Variants in BBS9 observed in about 807,000 individuals in gnomAD.
The protein encoded by BBS9 is Bardet-Biedl syndrome 9, also known as protein PTHB1.
In BBS9, 89 loss-of-function variants were observed where a neutral mutation model predicts 117.7. That is an observed-to-expected ratio of 0.76 (90% confidence interval 0.64 to 0.90). The LOEUF is 0.90. BBS9 is among the 40% of genes least tolerant of loss of function. The probability of loss-of-function intolerance (pLI) is 0.00; values close to 1 mark genes in which losing one functional copy is unlikely to be tolerated. For missense variants in BBS9, 982 were observed against 1,042.2 expected (o/e 0.94, Z 0.80); for synonymous variants, 379 against 370.9 (o/e 1.02, Z -0.25).
At chr7:33,431,998 G>A (rs945365221) in intron 19 of BBS9, among the ~76,000 whole-genome samples, 1 of 151,996 alleles carries the variant, frequency 6.6e-6, no homozygotes, top group African/African-American at 2.4e-5. Context: ...CTTTTAATGA[G>A]CAGCAATGAA....
intron 15 of BBS9, 190 bp from the exon 16 acceptor site, chr7:33,357,665 G>A (rs567872227): frequency 7.2e-6 from 5 of 696,122 alleles, no homozygotes; most frequent in African/African-American, 7.1e-5. Flanking sequence ...TTTTTGCCTT[G>A]TACCTTTTGA....
intron 19 of BBS9, among the ~76,000 whole-genome samples, chr7:33,476,058 G>A (rs1841759294): frequency 6.6e-6 from 1 of 152,046 alleles, no homozygotes. Flanking sequence ...ATCTGTATTT[G>A]GGTCTTTTAG....
intron 19 of BBS9, among the ~76,000 whole-genome samples, chr7:33,394,806 G>A (rs965891862): frequency 6.6e-6 from 1 of 152,180 alleles, no homozygotes; most frequent in Non-Finnish European, 1.5e-5. Flanking sequence ...TTTGTTGGGT[G>A]TCTGCTGAGT....
At chr7:33,450,423 A>G (rs1178056364) in intron 19 of BBS9, among the ~76,000 whole-genome samples, 1 of 152,170 alleles carries the variant, frequency 6.6e-6, no homozygotes, top group East Asian at 1.9e-4. Flanking sequence ...TTGTAGTTCT[A>G]TTGTTAGTTT....
chr7:33,507,058 T>C (rs1457308063), intron 20 of BBS9, among the ~76,000 whole-genome samples: 2 of 152,212 alleles, frequency 1.3e-5, no homozygotes, highest in African/African-American at 2.4e-5. Context: ...ATCTCTCTTC[T>C]GTAGCTGTAA....
At chr7:33,408,983 G>A (rs1830609774) in intron 19 of BBS9, among the ~76,000 whole-genome samples, 1 of 152,186 alleles carries the variant, frequency 6.6e-6, no homozygotes, top group African/African-American at 2.4e-5. Context: ...TTATTCATAT[G>A]TTTGTTGGCT....
intron 21 of BBS9, among the ~76,000 whole-genome samples, chr7:33,550,199 T>A (rs1187527454): frequency 6.6e-6 from 1 of 152,222 alleles, no homozygotes; most frequent in East Asian, 1.9e-4. Context: ...ATCTGCTCGC[T>A]CTCTGAGAAA....
rs547699537 is a variant in BBS9, at chr7:33,349,050, C to T, written c.1330-18C>T. 2 of 1,518,118 alleles carry T rather than the reference C, an allele frequency of 1.3e-6. No individual in the cohort carries two copies. The highest frequency in any genetic ancestry group is 1.7e-5 in the Admixed American group (1 of 59,836). 94.0% of individuals were successfully genotyped at this position (1,518,118 alleles called of 1,614,324 possible). On this transcript the variant is annotated intron_variant, in intron 12 of 22. Coordinates refer to ENST00000242067, the MANE Select transcript of BBS9 (RefSeq NM_198428.3). ...ATAAAATGTAATTTTCTATTGATAA[C>T]AATTTCTGTTTCCTTAGGTCACACT...
chr7:33,578,896 C>G (rs541081373), intron 21 of BBS9, among the ~76,000 whole-genome samples: 16 of 151,948 alleles, frequency 1.1e-4, no homozygotes, highest in Admixed American at 9.2e-4. Flanking sequence ...AAAACATATG[C>G]AAGAACTAGT....
chr7:33,176,091 CT>C (rs973266879), intron 4 of BBS9, among the ~76,000 whole-genome samples: 4 of 151,820 alleles, frequency 2.6e-5, no homozygotes, highest in Non-Finnish European at 4.4e-5. Flanking sequence ...GGGAGGGAGA[CT>C]TTTTTTTATA....
intron 13 of BBS9, 146 bp from the exon 14 acceptor site, chr7:33,351,073 G>A: frequency 3.2e-6 from 2 of 617,008 alleles, no homozygotes; most frequent in South Asian, 4.0e-5. Flanking sequence ...CAACCTCACA[G>A]GTTTGTTGTG....
chr7:33,497,986 T>TA (rs1844956029), intron 19 of BBS9, among the ~76,000 whole-genome samples: 1 of 152,160 alleles, frequency 6.6e-6, no homozygotes, highest in Non-Finnish European at 1.5e-5. Context: ...TAGAAAATTT[T>TA]AAGAAATAGT....
chr7:33,186,075 A>C (rs11979709), intron 5 of BBS9, among the ~76,000 whole-genome samples: 52,154 of 152,122 alleles, frequency 0.34, 9,467 homozygotes, highest in African/African-American at 0.46. Flanking sequence ...TAATTATAAC[A>C]GATAACAGAA....
chr7:33,408,222 G>C (rs1830429787), intron 19 of BBS9, among the ~76,000 whole-genome samples: 1 of 152,160 alleles, frequency 6.6e-6, no homozygotes, highest in Non-Finnish European at 1.5e-5. Context: ...AGACTCCATG[G>C]GTGTAGGACC....
intron 15 of BBS9, among the ~76,000 whole-genome samples, chr7:33,356,976 G>A: frequency 6.6e-6 from 1 of 151,754 alleles, no homozygotes; most frequent in Non-Finnish European, 1.5e-5. Flanking sequence ...GTCAAAAACA[G>A]AGTTCTAGAA....
rs1405355790 is a variant in BBS9 at position 33,197,404 on chromosome 7, A to C, written c.442+19813A>C. ...AGCAGTTTCAAAAATGCATCTACAC[A>C]ACACATTGCCATGAGAAATGAACAA... On this transcript the variant is annotated intron_variant, in intron 5 of 22. Coordinates refer to ENST00000242067, the MANE Select transcript of BBS9 (RefSeq NM_198428.3). Among the ~76,000 whole-genome samples the C allele has an allele frequency of 2.0e-5, 3 of 152,216 alleles. No individual in the cohort carries two copies. The East Asian group carries it at 5.8e-4, about 29-fold the overall frequency.
intron 17 of BBS9, chr7:33,380,257 A>T (rs1003864205): frequency 5.7e-6 from 1 of 176,922 alleles, no homozygotes; most frequent in Admixed American, 6.3e-5. Context: ...GCCTCTCCCA[A>T]CTACAAGCTC....
At chr7:33,182,906 G>T (rs1010146165) in intron 5 of BBS9, among the ~76,000 whole-genome samples, 3 of 152,062 alleles carry the variant, frequency 2.0e-5, no homozygotes, top group Non-Finnish European at 4.4e-5. Context: ...TCCCAAAAAA[G>T]GGATGGGTAG....
chr7:33,165,762 G>A (rs966516609), intron 4 of BBS9, among the ~76,000 whole-genome samples: 7 of 152,070 alleles, frequency 4.6e-5, no homozygotes, highest in East Asian at 3.9e-4. Context: ...TTTTAGCTTC[G>A]TTGTGATGGG....
Sources: allele counts gnomAD v4.1 joint callset (sites outside exome capture counted in the v4.1 genomes callset), GRCh38; gene constraint gnomAD v4.1.1; transcripts MANE v1.5; gene names NCBI Gene and HGNC (gene_info 2026-07-23, HGNC 2026-07-21).